ST7L: variants seen among roughly 807,000 people sequenced by gnomAD.
ST7L encodes suppression of tumorigenicity 7 like, also known as suppressor of tumorigenicity 7 protein-like.
ST7L carries 57 observed loss-of-function variants against 72.5 expected under a neutral mutation model. The ratio of observed to expected loss-of-function variants is 0.79; its 90% confidence interval spans 0.64 to 0.98. The LOEUF is 0.98. Among genes scored for constraint, ST7L ranks in the 50% least tolerant of loss-of-function variants. The probability of loss-of-function intolerance (pLI) is 0.00; values close to 1 mark genes in which losing one functional copy is unlikely to be tolerated. For missense variants in ST7L, 576 were observed against 672.2 expected, an observed-to-expected ratio of 0.86 and a Z score of 1.58; for synonymous variants, 221 against 240.9, an observed-to-expected ratio of 0.92 and a Z score of 0.77.
downstream of ST7L, chr1:112,520,803 C>A: frequency 2.4e-6 from 1 of 411,154 alleles, no homozygotes; most frequent in Non-Finnish European, 4.4e-6. Context: ...CACTAAAGTA[C>A]GTAGTTGAGG....
intron 11 of ST7L, among the ~76,000 whole-genome samples, chr1:112,562,564 G>A (rs1660348894): frequency 6.6e-6 from 1 of 152,158 alleles, no homozygotes; most frequent in South Asian, 2.1e-4. Flanking sequence ...GATGAGCAGG[G>A]TCTTAAAGAA....
chr1:112,578,441 G>A (rs780070441), intron 9 of ST7L, 24 bp from the exon 10 acceptor site: 4 of 1,608,156 alleles, frequency 2.5e-6, no homozygotes, highest in Non-Finnish European at 2.6e-6. Context: ...TTTCAATTTA[G>A]GTAGGAATTA....
intron 7 of ST7L, 91 bp downstream of exon 7, chr1:112,583,881 G>A: frequency 2.1e-6 from 3 of 1,417,052 alleles, no homozygotes; most frequent in Non-Finnish European, 2.9e-6. Context: ...TAACCTGTAA[G>A]TATTAAGTTT....
intron 11 of ST7L, among the ~76,000 whole-genome samples, chr1:112,557,715 G>A (rs1248085958): frequency 1.3e-5 from 2 of 152,124 alleles, no homozygotes; most frequent in Non-Finnish European, 2.9e-5. Context: ...TTTACAGATA[G>A]GTAGAATGTG....
chr1:112,533,079 T>C (rs1654636090), intron 14 of ST7L, among the ~76,000 whole-genome samples: 1 of 152,230 alleles, frequency 6.6e-6, no homozygotes, highest in Non-Finnish European at 1.5e-5. Context: ...TTATACTTCA[T>C]ATTAAAACTT....
At position 112,542,107 on chromosome 1, in the gene ST7L, G is replaced by A. The variant is rs1244684399; in HGVS notation, c.1490-17C>T. 4.5e-6 allele frequency: 7 copies of A among 1,569,650 alleles called. No homozygotes were observed. Among genetic ancestry groups the A allele is most frequent in the Non-Finnish European group, 6.0e-6 (7 of 1,159,334 alleles). On this transcript the variant is annotated splice_polypyrimidine_tract_variant and intron_variant, in intron 13 of 14. Coordinates refer to ENST00000358039, the MANE Select transcript of ST7L (RefSeq NM_017744.5). ...GATGAAAGGCTGCAATGGAGAATAG[G>A]TAAGAATCAATTTTATTTCAGAATA...
chr1:112,598,898 A>T (rs1666901864), intron 4 of ST7L, among the ~76,000 whole-genome samples: 1 of 150,206 alleles, frequency 6.7e-6, no homozygotes, highest in African/African-American at 2.4e-5. Context: ...TGTCTCTCCT[A>T]AAAATACAAA....
chr1:112,570,727 G>A, intron 11 of ST7L: 1 of 455,392 alleles, frequency 2.2e-6, no homozygotes, highest in Non-Finnish European at 4.4e-6. Context: ...GAGAAAAAGA[G>A]GGTCTGTACA....
At chr1:112,613,142 T>C (rs979184079) in intron 2 of ST7L, among the ~76,000 whole-genome samples, 1 of 151,530 alleles carries the variant, frequency 6.6e-6, no homozygotes, top group African/African-American at 2.4e-5. Context: ...AGAAGATAAG[T>C]ACCATCAAGG....
chr1:112,552,351 T>C (rs1557966689), intron 12 of ST7L, among the ~76,000 whole-genome samples: 5 of 152,198 alleles, frequency 3.3e-5, no homozygotes, highest in African/African-American at 1.2e-4. Context: ...ATAAGGTTTT[T>C]GTTTTTCCTT....
chr1:112,565,704 GAAAC>G (rs1660903417), intron 11 of ST7L, among the ~76,000 whole-genome samples: 1 of 151,966 alleles, frequency 6.6e-6, no homozygotes, highest in African/African-American at 2.4e-5. Context: ...CATCCACAAA[GAAAC>G]AAACACTGAA....
At position 112,574,452 on chromosome 1, in the gene ST7L, G is replaced by A. The variant is rs995325652; in HGVS notation, c.1245+2534C>T. Among the ~76,000 whole-genome samples, 4 of 151,546 alleles carry A rather than the reference G, an allele frequency of 2.6e-5. 1 individual carries two copies. Among genetic ancestry groups the A allele is most frequent in the Admixed American group, 1.3e-4 (2 of 15,236 alleles). ...AGGCGGGCGGATCACAAGGTCAGGA[G>A]ATCGAGACCATCCTGGCTAACACTG... is the stretch of plus-strand genomic sequence containing the variant. On this transcript the variant is annotated intron_variant, in intron 11 of 14. Transcript: ENST00000358039.
chr1:112,614,533 A>C (rs1160101856), intron 2 of ST7L, among the ~76,000 whole-genome samples: 1 of 152,084 alleles, frequency 6.6e-6, no homozygotes, highest in Admixed American at 6.6e-5. Flanking sequence ...CAAGAGAAAA[A>C]TCTCGTTCTT....
chr1:112,544,462 CA>C (rs1656734873), intron 13 of ST7L, among the ~76,000 whole-genome samples: 1 of 152,144 alleles, frequency 6.6e-6, no homozygotes, highest in Non-Finnish European at 1.5e-5. Flanking sequence ...AAGTTAGAAA[CA>C]TTAGAAACTG....
intron 11 of ST7L, among the ~76,000 whole-genome samples, chr1:112,561,441 C>G (rs1210126921): frequency 6.7e-6 from 1 of 149,734 alleles, no homozygotes; most frequent in Non-Finnish European, 1.5e-5. Flanking sequence ...TTTTTCTATG[C>G]ATAATACATT....
chr1:112,536,412 C>A (rs1261629192), intron 14 of ST7L, among the ~76,000 whole-genome samples: 1 of 151,764 alleles, frequency 6.6e-6, no homozygotes, highest in Non-Finnish European at 1.5e-5. Flanking sequence ...TTTATTAACT[C>A]CCCCGGTTCT....
chr1:112,541,775 T>C (rs764818239), intron 14 of ST7L, 176 bp downstream of exon 14: 36 of 1,329,176 alleles, frequency 2.7e-5, no homozygotes, highest in Non-Finnish European at 3.4e-5. Context: ...CAGAAGTAGC[T>C]CAAATCACCA....
Position 112,619,103 on chromosome 1 carries a change from C to T in ST7L, c.11G>A (p.Arg4His), listed in dbSNP as rs115158465. MAD[R>H]GGVGEAAAVG... is the part of the protein sequence containing the mutation. ...AGCTGCGGCTTCACCCACGCCGCCACGGTCCGCCATCTTGCCGCTATCGCA... is the reference window on the plus strand; with the variant it reads ...AGCTGCGGCTTCACCCACGCCGCCATGGTCCGCCATCTTGCCGCTATCGCA... The change falls in exon 1 of 15, where the codon CGT (arginine) becomes CAT (histidine). Residue 4 changes from arginine (R) to histidine (H), a missense_variant. This residue lies in a region of ST7L where 56 missense variants were observed against 45.8 expected (regional missense o/e 1.22). Coordinates refer to ENST00000358039, the MANE Select transcript of ST7L (RefSeq NM_017744.5). The T allele has an allele frequency of 9.7e-5, 156 of 1,613,426 alleles. 3 individuals carry two copies. The African/African-American group carries it at 1.7e-3, about 18-fold the overall frequency.
At chr1:112,601,420 T>A (rs1667372491) in intron 3 of ST7L, among the ~76,000 whole-genome samples, 1 of 152,158 alleles carries the variant, frequency 6.6e-6, no homozygotes, top group African/African-American at 2.4e-5. Flanking sequence ...TAATTTTTTG[T>A]ATTTTTAGTA....
Sources: gnomAD v4.1 joint callset for allele counts (sites outside exome capture counted in the v4.1 genomes callset) on GRCh38, gnomAD v4.1.1 for gene constraint, gnomAD v4.1.1 regional missense constraint, MANE v1.5 for transcripts, NCBI Gene and HGNC (gene_info 2026-07-23, HGNC 2026-07-21) for gene names.